The following WNT2 variants were observed in gnomAD, a reference collection of about 807,000 sequenced individuals.
WNT2 encodes the protein Wnt family member 2, also known as protein Wnt-2.
A neutral mutation model predicts 36.9 loss-of-function variants in WNT2; 12 were observed. The observed-to-expected ratio is 0.33, with a 90% CI of 0.21 to 0.53. WNT2 has a LOEUF of 0.53. Among genes scored for constraint, WNT2 ranks in the 20% least tolerant of loss-of-function variants. The probability of loss-of-function intolerance (pLI) is 0.95; values close to 1 mark genes in which losing one functional copy is unlikely to be tolerated. For missense variants in WNT2, 379 were observed against 473.1 expected (o/e 0.80, Z 1.84); for synonymous variants, 163 against 174.6 (o/e 0.93, Z 0.52).
Position 117,284,102 on chromosome 7 carries a change from G to C in WNT2, c.854-5718C>G, listed in dbSNP as rs1794541758. Among the ~76,000 whole-genome samples, 1 of 152,184 alleles carries C rather than the reference G, an allele frequency of 6.6e-6. No individual in the cohort carries two copies. Among genetic ancestry groups the C allele is most frequent in the Non-Finnish European group, 1.5e-5 (1 of 68,030 alleles). On this transcript the variant is annotated intron_variant, in intron 4 of 4. Coordinates refer to ENST00000265441, the MANE Select transcript of WNT2 (RefSeq NM_003391.3). The surrounding 1 kb of genome is among the most constrained non-coding windows in gnomAD (Gnocchi z 5.2). The stretch of plus-strand genomic sequence containing the variant: ...TGGATCTAATTAGATCTAATGACAG[G>C]CTGTAGGGCAGAAGGGCAGTTTTGA...
chr7:117,288,886 G>T (rs1794634209), intron 4 of WNT2, among the ~76,000 whole-genome samples: 1 of 151,852 alleles, frequency 6.6e-6, no homozygotes, highest in South Asian at 2.1e-4. Flanking sequence ...AAAGAGCATT[G>T]GATGTGAAAA....
chr7:117,319,391 C>T (rs746313370), intron 2 of WNT2, among the ~76,000 whole-genome samples: 3 of 152,028 alleles, frequency 2.0e-5, no homozygotes, highest in Admixed American at 2.0e-4. Flanking sequence ...GTACTACGCC[C>T]TTGGGGGATT....
Position 117,276,206 on chromosome 7 carries a change from C to A in WNT2, c.*1949G>T, listed in dbSNP as rs6961989. Among the ~76,000 whole-genome samples, 832 of 152,328 alleles carry A rather than the reference C, an allele frequency of 5.5e-3. 9 individuals are homozygous for A. The highest frequency in any genetic ancestry group is 0.019 in the African/African-American group (801 of 41,574). Reference sequence around the variant, plus strand: ...GCTGAGATGTCTCCTAAGATCCTTTCCAATTTGAAACACAGCCTGGATTGA... The same window carrying A: ...GCTGAGATGTCTCCTAAGATCCTTTACAATTTGAAACACAGCCTGGATTGA... On this transcript the variant is annotated 3_prime_UTR_variant, in exon 5 of 5. Transcript: ENST00000265441.
In WNT2 at chr7:117,284,980, C is replaced by T. The variant is rs1482909054; in HGVS notation, c.854-6596G>A. Reference sequence around the variant, plus strand: ...TGACATTCTGACCCTTTGCCGAGTGCCCAGTCCTGGTGCCCGGCCAGGCAC... The same window carrying T: ...TGACATTCTGACCCTTTGCCGAGTGTCCAGTCCTGGTGCCCGGCCAGGCAC... On this transcript the variant is annotated intron_variant, in intron 4 of 4. Transcript: ENST00000265441. The surrounding 1 kb of genome is among the most constrained non-coding windows in gnomAD (Gnocchi z 5.2). Among the ~76,000 whole-genome samples the T allele has an allele frequency of 2.0e-5, 3 of 152,218 alleles. No homozygotes were observed. The highest frequency in any genetic ancestry group is 4.4e-5 in the Non-Finnish European group (3 of 68,036).
In WNT2 at chr7:117,323,009, C is replaced by A; in HGVS notation, c.-20G>T. On this transcript the variant is annotated 5_prime_UTR_variant, in exon 1 of 5. It removes an upstream start codon present in the reference 5' UTR. Coordinates refer to ENST00000265441, the MANE Select transcript of WNT2 (RefSeq NM_003391.3). Reference sequence around the variant, plus strand: ...GTTCATATTAACCCCCTTGCGTCTGCATCAGGTCAGACTCCGTGTGCGGGC... The same window carrying A: ...GTTCATATTAACCCCCTTGCGTCTGAATCAGGTCAGACTCCGTGTGCGGGC... 1.2e-6 allele frequency: 2 copies of A among 1,603,500 alleles called. No individual in the cohort carries two copies. Among genetic ancestry groups the A allele is most frequent in the Non-Finnish European group, 8.5e-7 (1 of 1,175,168 alleles).
At chr7:117,289,165 T>G (rs1416713968) in intron 4 of WNT2, among the ~76,000 whole-genome samples, 3 of 149,894 alleles carry the variant, frequency 2.0e-5, no homozygotes, top group East Asian at 4.2e-4. Flanking sequence ...GTTCACGCTA[T>G]TCTCCTGTCA....
intron 3 of WNT2, among the ~76,000 whole-genome samples, chr7:117,308,437 A>G (rs1029572786): frequency 2.0e-5 from 3 of 152,218 alleles, no homozygotes; most frequent in Non-Finnish European, 2.9e-5. Context: ...AGAACTTTAC[A>G]TGGAACTGCA....
rs565568639 is a variant in WNT2, at chr7:117,321,232, G to A, written c.84-439C>T. Among the ~76,000 whole-genome samples the A allele has an allele frequency of 3.3e-5, 5 of 152,270 alleles. No individual in the cohort carries two copies. In the South Asian group the frequency reaches 6.2e-4, roughly 19 times the overall value. On this transcript the variant is annotated intron_variant, in intron 1 of 4. Transcript: ENST00000265441. ...GGGAAGCTGACCTTAGAAGCTCTTC[G>A]TTCCCATTATTTGACAGAATGTCTT...
chr7:117,314,510 T>A (rs931712924), intron 3 of WNT2, among the ~76,000 whole-genome samples: 4 of 152,176 alleles, frequency 2.6e-5, no homozygotes, highest in African/African-American at 4.8e-5. Flanking sequence ...CAGAATACCC[T>A]CTGAGGATCA....
intron 3 of WNT2, among the ~76,000 whole-genome samples, chr7:117,308,437 A>C (rs1029572786): frequency 6.6e-6 from 1 of 152,218 alleles, no homozygotes; most frequent in African/African-American, 2.4e-5. Context: ...AGAACTTTAC[A>C]TGGAACTGCA....
intron 3 of WNT2, among the ~76,000 whole-genome samples, chr7:117,313,284 C>T (rs954214088): frequency 2.0e-5 from 3 of 152,232 alleles, no homozygotes; most frequent in African/African-American, 7.2e-5. Context: ...TGACATCATG[C>T]ATCTCCTTGA....
intron 2 of WNT2, among the ~76,000 whole-genome samples, chr7:117,317,535 C>T (rs1051490511): frequency 2.6e-5 from 4 of 152,138 alleles, no homozygotes; most frequent in Non-Finnish European, 4.4e-5. Flanking sequence ...TTTTCAGTTA[C>T]GTGTTTAGAT....
rs376058253 is a variant in WNT2 at position 117,295,226 on chromosome 7, G to GA, written c.853+2385dup. Among the ~76,000 whole-genome samples, 947 of 152,312 alleles carry GA rather than the reference G, an allele frequency of 6.2e-3. 11 individuals are homozygous for GA. Among genetic ancestry groups the GA allele is most frequent in the African/African-American group, 0.021 (892 of 41,548 alleles). On this transcript the variant is annotated intron_variant, in intron 4 of 4. Coordinates refer to ENST00000265441, the MANE Select transcript of WNT2 (RefSeq NM_003391.3). ...CTCTTACTAACCACAAGTGGGTAGG[G>GA]AAAATCTTTAACCTCTTAGAGCTTC...
chr7:117,322,856 G>A lies in WNT2; in HGVS notation c.83+51C>T, dbSNP rs375535189. On this transcript the variant is annotated intron_variant, in intron 1 of 4. Coordinates refer to ENST00000265441, the MANE Select transcript of WNT2 (RefSeq NM_003391.3). The surrounding 1 kb of genome is among the most constrained non-coding windows in gnomAD (Gnocchi z 5.4). ...CAGGAAGGGTCTATGTGGCCAATGC[G>A]GTCCCCATTCCGATCTCCAAAATCC... is the stretch of plus-strand genomic sequence containing the variant. The A allele has an allele frequency of 2.0e-5, 32 of 1,578,278 alleles. No homozygotes were observed. The highest frequency in any genetic ancestry group is 2.5e-5 in the Non-Finnish European group (29 of 1,152,428).
chr7:117,281,306 T>C lies in WNT2; in HGVS notation c.854-2922A>G, dbSNP rs146093300. Among the ~76,000 whole-genome samples, 954 of 152,256 alleles carry C rather than the reference T, an allele frequency of 6.3e-3. 13 individuals are homozygous for C. The highest frequency in any genetic ancestry group is 0.022 in the African/African-American group (899 of 41,552). On this transcript the variant is annotated intron_variant, in intron 4 of 4. Transcript: ENST00000265441. ...AGGCTTGAGGGCAGTGGCACGAACATGGCTCACTAGAGCCTCGACCTCCTG... is the reference window on the plus strand; with the variant it reads ...AGGCTTGAGGGCAGTGGCACGAACACGGCTCACTAGAGCCTCGACCTCCTG...
intron 4 of WNT2, among the ~76,000 whole-genome samples, chr7:117,292,113 C>A (rs1017327478): frequency 7.2e-5 from 11 of 152,124 alleles, no homozygotes; most frequent in African/African-American, 2.7e-4. Context: ...AAGGCATTGA[C>A]GCTTTTGAAA....
intron 3 of WNT2, among the ~76,000 whole-genome samples, chr7:117,311,537 G>T (rs1031419907): frequency 4.6e-5 from 7 of 152,088 alleles, no homozygotes; most frequent in Non-Finnish European, 1.0e-4. Flanking sequence ...TCCTACAGGG[G>T]TTTTGGAAAT....
intron 4 of WNT2, among the ~76,000 whole-genome samples, chr7:117,288,368 A>T (rs1794624229): frequency 6.6e-6 from 1 of 152,230 alleles, no homozygotes; most frequent in Non-Finnish European, 1.5e-5. Flanking sequence ...AATTGGAGAA[A>T]TAGTGATATG....
intron 3 of WNT2, among the ~76,000 whole-genome samples, chr7:117,314,301 T>C (rs370824412): frequency 1.6e-4 from 25 of 152,216 alleles, no homozygotes; most frequent in East Asian, 9.6e-4. Context: ...GGTCTGAACA[T>C]TGGCATTGAA....
Sources: gnomAD v4.1 joint callset for allele counts (sites outside exome capture counted in the v4.1 genomes callset) on GRCh38, gnomAD v4.1.1 for gene constraint, Gnocchi (gnomAD v3.1) non-coding constraint, MANE v1.5 for transcripts, NCBI Gene and HGNC (gene_info 2026-07-23, HGNC 2026-07-21) for gene names.